The following VWF variants were observed in gnomAD, a reference collection of about 807,000 sequenced individuals.
The protein encoded by VWF is Factor VIII related antigen.
A neutral mutation model predicts 308.6 loss-of-function variants in VWF; 176 were observed. The observed-to-expected ratio is 0.57, with a 90% CI of 0.50 to 0.65. The LOEUF (loss-of-function observed/expected upper bound fraction) is 0.65, where lower values mean the gene tolerates loss of function less well. VWF is among the 30% of genes least tolerant of loss of function. VWF has a pLI of 0.00. For missense variants in VWF, 3,146 were observed against 3,648.2 expected (o/e 0.86, Z 3.55); for synonymous variants, 1,385 against 1,443.4 (o/e 0.96, Z 0.92).
chr12:6,019,502 G>T lies in VWF; in HGVS notation c.3916C>A (p.Arg1306=), dbSNP rs61749384. 6.2e-7 allele frequency: 1 copy of T among 1,613,950 alleles called. No homozygotes were observed. The highest frequency in any genetic ancestry group is 1.3e-5 in the African/African-American group (1 of 75,040). The part of the protein sequence containing the change: ...LKAFVVDMME[R]LRISQKWVRV... ...ACCCACTTCTGGGAGATGCGCAGCC[G>T]CTCCATCATGTCCACCACAAAGGCC... Residue 1306 remains arginine, a synonymous_variant, in exon 28 of 52, where the codon CGG becomes AGG. Coordinates refer to ENST00000261405, the MANE Select transcript of VWF (RefSeq NM_000552.5). This position sits in a 1 kb window ranked among gnomAD's most constrained non-coding sequence, Gnocchi z 5.8.
Position 6,056,968 on chromosome 12 carries a change from C to T in VWF, c.1834G>A (p.Val612Met), listed in dbSNP as rs562188657. ...TCGCGGCCGTCCGAGCAGGAGCACA[C>T]GTCGTAGCGGCAGTTCCGCAGGTAG... ...LPYLRNCRYD[V>M]CSCSDGRECL... The change falls in exon 15 of 52, where the codon GTG becomes ATG. Residue 612 changes from valine to methionine, a missense_variant. Transcript: ENST00000261405. The T allele has an allele frequency of 1.0e-5, 16 of 1,541,484 alleles. No homozygotes were observed. The highest frequency in any genetic ancestry group is 1.3e-5 in the Non-Finnish European group (15 of 1,148,366).
chr12:6,100,679 G>A (rs906488185), intron 5 of VWF, among the ~76,000 whole-genome samples: 4 of 152,180 alleles, frequency 2.6e-5, no homozygotes, highest in African/African-American at 9.7e-5. Flanking sequence ...ACTCATAGAT[G>A]GGAATTGAGC....
In VWF at chr12:5,951,821, CA is replaced by C. The variant is rs771644323; in HGVS notation, c.8155+22del. ...ACTTGCTCTGATGGGTTTCAAGGGA[CA>C]AGATATTAGTAACGCACTCACATGT... On this transcript the variant is annotated intron_variant, in intron 50 of 51. Coordinates refer to ENST00000261405, the MANE Select transcript of VWF (RefSeq NM_000552.5). The C allele has an allele frequency of 2.5e-6, 4 of 1,614,076 alleles. No homozygotes were observed. In the South Asian group the frequency reaches 4.4e-5, roughly 18 times the overall value.
intron 6 of VWF, chr12:6,095,255 C>A (rs894943122): frequency 1.3e-5 from 9 of 713,124 alleles, no homozygotes; most frequent in Non-Finnish European, 1.7e-5. Context: ...AGACACTACA[C>A]CAAGTCATTA....
At chr12:6,006,716 T>C (rs1389990085) in intron 34 of VWF, among the ~76,000 whole-genome samples, 1 of 152,010 alleles carries the variant, frequency 6.6e-6, no homozygotes, top group Non-Finnish European at 1.5e-5. Context: ...GAGGCAGAGG[T>C]TGCAGTGAGC....
chr12:6,090,645 C>CTCGTCCTCCTCCTCCTCCTCT (rs111690324), intron 6 of VWF, among the ~76,000 whole-genome samples: 1 of 151,300 alleles, frequency 6.6e-6, no homozygotes, highest in African/African-American at 2.4e-5. Context: ...CCTCCTCCTC[C>CTCGTCCTCCTCCTCCTCCTCT]TCCTCATCAT....
intron 36 of VWF, 64 bp from the exon 37 acceptor site, chr12:5,994,267 C>A: frequency 2.5e-6 from 4 of 1,600,824 alleles, no homozygotes; most frequent in Non-Finnish European, 3.4e-6. Flanking sequence ...AACATTGATG[C>A]CAGAGACAGG....
chr12:6,086,576 A>G (rs188902837), intron 6 of VWF, among the ~76,000 whole-genome samples: 2 of 152,290 alleles, frequency 1.3e-5, no homozygotes, highest in East Asian at 3.9e-4. Flanking sequence ...GTCTCCAAGA[A>G]AAGTCCATTC....
At chr12:6,089,230 T>G (rs1033790422) in intron 6 of VWF, among the ~76,000 whole-genome samples, 1 of 152,182 alleles carries the variant, frequency 6.6e-6, no homozygotes. Context: ...GACGAGTCAT[T>G]GTGCTTCCGA....
At chr12:5,995,912 A>T in intron 35 of VWF, 90 bp downstream of exon 35, 1 of 1,221,868 alleles carries the variant, frequency 8.2e-7, no homozygotes, top group Non-Finnish European at 1.2e-6. Flanking sequence ...TCCTAACAAG[A>T]GCATCAACTA....
rs763260567 is a variant in VWF, at chr12:5,994,540, C to A, written c.6131G>T (p.Gly2044Val). Residue 2044 changes from glycine to valine, a missense_variant, in exon 36 of 52, where the codon GGT becomes GTT. Gly to Val is a moderately radical substitution (Grantham distance 109). Around this residue, in one of 3 missense-constraint regions of VWF, gnomAD observed 989 missense variants for 1,117.4 expected, o/e 0.89. Transcript: ENST00000261405. Reference sequence around the variant, plus strand: ...GAATCTGACCTCATGCATGATGGCACCATAAACGTTGACTTCCATGTTCCC... The same window carrying A: ...GAATCTGACCTCATGCATGATGGCAACATAAACGTTGACTTCCATGTTCCC... Reference protein sequence around the residue: ...VGGNMEVNVYGAIMHEVRFNH... With the variant: ...VGGNMEVNVYVAIMHEVRFNH... The A allele has an allele frequency of 4.3e-6, 7 of 1,613,976 alleles. No individual in the cohort carries two copies. The East Asian group carries it at 1.6e-4, about 36-fold the overall frequency.
intron 12 of VWF, 42 bp downstream of exon 12, chr12:6,064,204 G>C (rs1228243203): frequency 1.2e-6 from 2 of 1,613,856 alleles, no homozygotes; most frequent in South Asian, 2.2e-5. Context: ...TAAGGGATGG[G>C]CTGTGCCAGC....
chr12:5,996,152 G>A lies in VWF; in HGVS notation c.5913C>T (p.Ser1971=). The change falls in exon 35 of 52, where the codon AGC becomes AGT. Residue 1971 remains serine, a synonymous_variant. Coordinates refer to ENST00000261405, the MANE Select transcript of VWF (RefSeq NM_000552.5). The stretch of plus-strand genomic sequence containing the variant: ...TGTTTTGAAATAGGACATAAGAACA[G>A]CTGCCAGTCAGCTTGAAATTCTGCC... ...FDGQNFKLTG[S]CSYVLFQNKE... 6.2e-7 allele frequency: 1 copy of A among 1,614,064 alleles called. No individual in the cohort carries two copies. The highest frequency in any genetic ancestry group is 2.2e-5 in the East Asian group (1 of 44,878).
intron 5 of VWF, among the ~76,000 whole-genome samples, chr12:6,099,318 C>CAA (rs1177262693): frequency 9.1e-4 from 59 of 64,808 alleles, no homozygotes; most frequent in Admixed American, 1.6e-3. Context: ...GACTCTATCT[C>CAA]AAAAAAAAAA....
At chr12:6,078,039 CT>C (rs1227159008) in intron 6 of VWF, among the ~76,000 whole-genome samples, 3 of 151,982 alleles carry the variant, frequency 2.0e-5, no homozygotes, top group Non-Finnish European at 4.4e-5. Context: ...ATGATGACCC[CT>C]ATCATCATCA....
At chr12:5,990,476 T>C (rs1239355109) in intron 38 of VWF, among the ~76,000 whole-genome samples, 2 of 152,176 alleles carry the variant, frequency 1.3e-5, no homozygotes, top group African/African-American at 4.8e-5. Context: ...TTCTGCAGGC[T>C]GGTTAGCTAC....
At chr12:6,057,801 G>C in intron 14 of VWF, 48 bp downstream of exon 14, 1 of 1,558,698 alleles carries the variant, frequency 6.4e-7, no homozygotes, top group South Asian at 1.2e-5. Context: ...CTAATGTGGA[G>C]ACCTCGAGAT....
At chr12:5,960,010 G>T (rs921686422) in intron 47 of VWF, among the ~76,000 whole-genome samples, 1 of 148,246 alleles carries the variant, frequency 6.7e-6, no homozygotes, top group African/African-American at 2.5e-5. Context: ...AATATAAAAA[G>T]TAAAACAACA....
chr12:5,997,861 G>T lies in VWF; in HGVS notation c.5843-1639C>A, dbSNP rs1039563477. ...TATATTAACACATTCCAATGTTCAG[G>T]ACATAGAGAAAGTTAGGCCGAACCA... On this transcript the variant is annotated intron_variant, in intron 34 of 51. Transcript: ENST00000261405. Among the ~76,000 whole-genome samples the T allele has an allele frequency of 2.6e-5, 4 of 152,228 alleles. No homozygotes were observed. The East Asian group carries it at 7.7e-4, about 29-fold the overall frequency.
Sources: allele counts gnomAD v4.1 joint callset (sites outside exome capture counted in the v4.1 genomes callset), GRCh38; gene constraint gnomAD v4.1.1; regional missense constraint gnomAD v4.1.1; non-coding constraint Gnocchi (gnomAD v3.1); transcripts MANE v1.5; gene names NCBI Gene and HGNC (gene_info 2026-07-23, HGNC 2026-07-21).